PIEZO2: variants seen among roughly 807,000 people sequenced by gnomAD.
PIEZO2 encodes piezo type mechanosensitive ion channel component 2, also known as piezo-type mechanosensitive ion channel component 2.
Under a neutral mutation model 337.3 loss-of-function variants are expected in PIEZO2, and 172 were observed. That is an observed-to-expected ratio of 0.51 (90% CI 0.45 to 0.58). The LOEUF (loss-of-function observed/expected upper bound fraction) is 0.58. Ranked by LOEUF, PIEZO2 falls within the 20% of genes least tolerant of loss-of-function variation. PIEZO2 has a pLI of 0.00. For synonymous variants in PIEZO2, 1,251 were observed against 1,228.5 expected, an observed-to-expected ratio of 1.02 and a Z score of -0.38; for missense variants, 3,028 against 3,391.3, an observed-to-expected ratio of 0.89 and a Z score of 2.66.
rs2036753665 is a variant in PIEZO2, at chr18:11,031,944, TTC to T, written c.160+34181_160+34182del. On this transcript the variant is annotated intron_variant, in intron 2 of 55. Coordinates refer to ENST00000674853, the MANE Select transcript of PIEZO2 (RefSeq NM_001378183.1). The surrounding 1 kb of genome is among the most constrained non-coding windows in gnomAD (Gnocchi z 4.7). ...TTTCCAAGATACGAGACAAAACTCG[TTC>T]TCTCTCTGTCTTTCTCTGTTTCTCT... 1.3e-5 allele frequency among the ~76,000 whole-genome samples: 2 copies of T among 152,142 alleles called. No individual in the cohort carries two copies. The highest frequency in any genetic ancestry group is 2.9e-5 in the Non-Finnish European group (2 of 68,028).
chr18:10,791,528 G>T (rs900295108), intron 13 of PIEZO2: 5 of 438,754 alleles, frequency 1.1e-5, no homozygotes, highest in Admixed American at 4.7e-5. Context: ...CCATGTTTGT[G>T]TTGGGTGCCA....
At chr18:10,829,529 A>G (rs1469625293) in intron 7 of PIEZO2, among the ~76,000 whole-genome samples, 2 of 152,212 alleles carry the variant, frequency 1.3e-5, no homozygotes, top group Non-Finnish European at 2.9e-5. Context: ...TTTGCAGATG[A>G]TATGATCTTA....
intron 45 of PIEZO2, 50 bp downstream of exon 45, chr18:10,697,698 C>G (rs149645969): frequency 1.3e-6 from 2 of 1,594,780 alleles, no homozygotes; most frequent in South Asian, 1.2e-5. Flanking sequence ...AATAATAAAG[C>G]CCAAAACCCT....
chr18:10,810,470 T>G (rs1364602971), intron 7 of PIEZO2, among the ~76,000 whole-genome samples: 1 of 152,128 alleles, frequency 6.6e-6, no homozygotes, highest in African/African-American at 2.4e-5. Flanking sequence ...GCTGCCAGAG[T>G]TTCCTTGGGG....
At chr18:10,892,854 C>G (rs1208203587) in intron 4 of PIEZO2, among the ~76,000 whole-genome samples, 1 of 152,212 alleles carries the variant, frequency 6.6e-6, no homozygotes, top group African/African-American at 2.4e-5. Context: ...AAACAAGCTA[C>G]ATCTGTAAAT....
Position 10,794,901 on chromosome 18 carries a change from G to A in PIEZO2, c.1629C>T (p.Ser543=). 1.9e-6 allele frequency: 3 copies of A among 1,540,738 alleles called. No individual in the cohort carries two copies. Among genetic ancestry groups the A allele is most frequent in the Non-Finnish European group, 2.6e-6 (3 of 1,146,836 alleles). ...IRNRRKYAMI[S]SPFMVVYGNL... ...TTCCATAAACCACCATGAAGGGAGA[G>A]CTGATCATGGCATATTTTCTTCTGT... The change falls in exon 13 of 56, where the codon AGC becomes AGT. Residue 543 remains serine, a synonymous_variant. Coordinates refer to ENST00000674853, the MANE Select transcript of PIEZO2 (RefSeq NM_001378183.1). This position sits in a 1 kb window ranked among gnomAD's most constrained non-coding sequence, Gnocchi z 6.6.
At chr18:10,765,314 G>C (rs2038305484) in intron 21 of PIEZO2, among the ~76,000 whole-genome samples, 1 of 152,208 alleles carries the variant, frequency 6.6e-6, no homozygotes, top group Admixed American at 6.5e-5. Context: ...TGTGAGAGAA[G>C]TGTGATCTGA....
intron 1 of PIEZO2, among the ~76,000 whole-genome samples, chr18:11,087,854 C>T (rs961079640): frequency 1.3e-5 from 2 of 152,266 alleles, no homozygotes; most frequent in African/African-American, 4.8e-5. Context: ...CCTGCCTTTC[C>T]TCCTGCCACC....
chr18:10,996,051 G>A lies in PIEZO2; in HGVS notation c.161-16391C>T, dbSNP rs1266665240. ...TTTTTCTACATTTTGAAACAATAGA[G>A]TTTGGGCAAGTAATCAGTTACTTAA... On this transcript the variant is annotated intron_variant, in intron 2 of 55. Coordinates refer to ENST00000674853, the MANE Select transcript of PIEZO2 (RefSeq NM_001378183.1). 2.0e-5 allele frequency among the ~76,000 whole-genome samples: 3 copies of A among 152,082 alleles called. No homozygotes were observed. The East Asian group carries it at 5.8e-4, about 29-fold the overall frequency.
intron 49 of PIEZO2, among the ~76,000 whole-genome samples, chr18:10,688,163 T>C (rs931880487): frequency 6.6e-6 from 1 of 151,812 alleles, no homozygotes; most frequent in African/African-American, 2.4e-5. Context: ...CCTTGCCCCC[T>C]ACCCCCTGAC....
intron 1 of PIEZO2, among the ~76,000 whole-genome samples, chr18:11,142,338 AT>A (rs1489881187): frequency 6.6e-6 from 1 of 152,248 alleles, no homozygotes; most frequent in African/African-American, 2.4e-5. Flanking sequence ...TTATGAAATT[AT>A]TAGACACTGT....
chr18:10,725,065 C>G, intron 36 of PIEZO2: 1 of 1,540,778 alleles, frequency 6.5e-7, no homozygotes. Flanking sequence ...CAACGTGGAC[C>G]GTGAGGGAGA....
In PIEZO2 at chr18:11,078,046, CCA is replaced by C. The variant is rs35766286; in HGVS notation, c.65-11826_65-11825del. Among the ~76,000 whole-genome samples the C allele has an allele frequency of 0.42, 57,324 of 135,534 alleles. 11,191 individuals are homozygous for C. The highest frequency in any genetic ancestry group is 0.52 in the African/African-American group (19,658 of 37,700). The allele number at this position is 135,534 out of a possible 152,430, so 88.9% of individuals were successfully genotyped here. ...TGCGTGCACACACACCCACACACAC[CCA>C]CACACACACACACACACACCACACA... is the stretch of plus-strand genomic sequence containing the variant. On this transcript the variant is annotated intron_variant, in intron 1 of 55. Transcript: ENST00000674853. The surrounding 1 kb of genome is among the most constrained non-coding windows in gnomAD (Gnocchi z 5.3).
At chr18:10,715,510 A>G (rs1421646944) in intron 38 of PIEZO2, 140 bp downstream of exon 38, 2 of 689,996 alleles carry the variant, frequency 2.9e-6, no homozygotes, top group African/African-American at 3.6e-5. Context: ...AGATTTAAAT[A>G]TACAGAAAAG....
At chr18:10,898,122 C>T (rs147625007) in intron 4 of PIEZO2, among the ~76,000 whole-genome samples, 2 of 152,290 alleles carry the variant, frequency 1.3e-5, no homozygotes, top group East Asian at 3.9e-4. Flanking sequence ...AGCATTCCAC[C>T]CTTGCATGGA....
intron 35 of PIEZO2, among the ~76,000 whole-genome samples, chr18:10,734,352 T>C (rs11080450): frequency 0.33 from 49,461 of 152,086 alleles, 8,843 homozygotes; most frequent in East Asian, 0.53. Context: ...CGGTTGTGCT[T>C]CACATGAGAG....
chr18:11,064,778 G>C (rs1486892763), intron 2 of PIEZO2, among the ~76,000 whole-genome samples: 3 of 152,182 alleles, frequency 2.0e-5, no homozygotes, highest in Non-Finnish European at 4.4e-5. Context: ...AACTTAATTG[G>C]ATATATAAAG....
chr18:11,015,509 T>C (rs937757557), intron 2 of PIEZO2, among the ~76,000 whole-genome samples: 3 of 152,214 alleles, frequency 2.0e-5, no homozygotes, highest in Admixed American at 6.5e-5. Context: ...TAAAATAATA[T>C]GTTCACAAAT....
Position 10,834,570 on chromosome 18 carries a change from G to T in PIEZO2, c.917+20783C>A, listed in dbSNP as rs4797487. Among the ~76,000 whole-genome samples the T allele has an allele frequency of 0.25, 38,172 of 151,998 alleles. 5,323 individuals are homozygous for T. Among genetic ancestry groups the T allele is most frequent in the East Asian group, 0.62 (3,199 of 5,144 alleles). ...CAGAATGTGATTGAATCCCTGCTGG[G>T]TGTCAGGCACTTGACACCCACAGCC... On this transcript the variant is annotated intron_variant, in intron 7 of 55. Transcript: ENST00000674853. The surrounding 1 kb of genome is among the most constrained non-coding windows in gnomAD (Gnocchi z 4.5).
Sources: allele counts gnomAD v4.1 joint callset (sites outside exome capture counted in the v4.1 genomes callset), GRCh38; gene constraint gnomAD v4.1.1; non-coding constraint Gnocchi (gnomAD v3.1); transcripts MANE v1.5; gene names NCBI Gene and HGNC (gene_info 2026-07-23, HGNC 2026-07-21).